Variants in SPAG16 observed in about 807,000 individuals in gnomAD.
SPAG16 encodes sperm associated antigen 16.
Under a neutral mutation model 80.4 loss-of-function variants are expected in SPAG16, and 86 were observed. That is an observed-to-expected ratio of 1.07 (90% CI 0.90 to 1.28). SPAG16 has a LOEUF of 1.28. Among genes scored for constraint, SPAG16 ranks in the 50% most tolerant of loss-of-function variants. The pLI is 0.00. For missense variants in SPAG16, 870 were observed against 765.3 expected (o/e 1.14, Z -1.61); for synonymous variants, 294 against 265.9 (o/e 1.11, Z -1.03).
At chr2:213,843,009 A>T (rs2074439800) in intron 10 of SPAG16, among the ~76,000 whole-genome samples, 1 of 152,020 alleles carries the variant, frequency 6.6e-6, no homozygotes, top group African/African-American at 2.4e-5. Flanking sequence ...TACTCAAATG[A>T]TCCTCCCACT....
intron 13 of SPAG16, among the ~76,000 whole-genome samples, chr2:214,052,956 A>C (rs2125139370): frequency 6.6e-6 from 1 of 152,320 alleles, no homozygotes; most frequent in East Asian, 1.9e-4. Flanking sequence ...GAAATGACAG[A>C]GTTTTTTCTG....
intron 15 of SPAG16, among the ~76,000 whole-genome samples, chr2:214,351,441 C>G: frequency 6.6e-6 from 1 of 151,966 alleles, no homozygotes; most frequent in Non-Finnish European, 1.5e-5. Context: ...GTGGCTCATG[C>G]CTGTAATCCC....
chr2:213,327,733 T>C (rs2063906606), intron 5 of SPAG16, among the ~76,000 whole-genome samples: 2 of 152,102 alleles, frequency 1.3e-5, no homozygotes, highest in Admixed American at 1.3e-4. Flanking sequence ...GTTACTAATA[T>C]TCACATATCC....
At chr2:214,396,853 A>G (rs988694223) in intron 15 of SPAG16, among the ~76,000 whole-genome samples, 2 of 152,078 alleles carry the variant, frequency 1.3e-5, no homozygotes, top group African/African-American at 4.8e-5. Flanking sequence ...GAACATGTGC[A>G]AAGTTGCCAC....
chr2:213,697,033 C>T (rs976084215), intron 10 of SPAG16, among the ~76,000 whole-genome samples: 2 of 152,054 alleles, frequency 1.3e-5, no homozygotes, highest in African/African-American at 2.4e-5. Flanking sequence ...GAAAGTGAGT[C>T]GCAGATGGAG....
intron 10 of SPAG16, among the ~76,000 whole-genome samples, chr2:213,627,568 A>C (rs530875793): frequency 1.3e-5 from 2 of 152,260 alleles, no homozygotes; most frequent in African/African-American, 4.8e-5. Context: ...TAGCAATTTC[A>C]ATGTGCATTA....
At chr2:213,418,020 T>A (rs1284173513) in intron 9 of SPAG16, among the ~76,000 whole-genome samples, 1 of 151,992 alleles carries the variant, frequency 6.6e-6, no homozygotes, top group Non-Finnish European at 1.5e-5. Context: ...ATTACAGGCA[T>A]GCTCCATCAC....
At chr2:213,604,539 G>A (rs141396310) in intron 10 of SPAG16, among the ~76,000 whole-genome samples, 79 of 152,090 alleles carry the variant, frequency 5.2e-4, no homozygotes, top group Middle Eastern at 3.4e-3. Context: ...ATATTGCCTA[G>A]GTTCAGTATC....
chr2:213,709,563 C>A (rs1157339860), intron 10 of SPAG16, among the ~76,000 whole-genome samples: 1 of 151,858 alleles, frequency 6.6e-6, no homozygotes, highest in Non-Finnish European at 1.5e-5. Context: ...TAACTTGACA[C>A]ATACTACAAA....
At chr2:213,987,890 AT>A (rs2046092704) in intron 12 of SPAG16, among the ~76,000 whole-genome samples, 1 of 138,138 alleles carries the variant, frequency 7.2e-6, no homozygotes, top group Admixed American at 6.9e-5. Context: ...ATATAAACAT[AT>A]TTGTATAAAT....
At chr2:213,664,262 C>G (rs2063524614) in intron 10 of SPAG16, among the ~76,000 whole-genome samples, 1 of 152,016 alleles carries the variant, frequency 6.6e-6, no homozygotes, top group Non-Finnish European at 1.5e-5. Context: ...GTCTTGAAAT[C>G]CTTTACTTAA....
chr2:214,383,482 A>G (rs948047526), intron 15 of SPAG16, among the ~76,000 whole-genome samples: 6 of 151,938 alleles, frequency 3.9e-5, no homozygotes, highest in Non-Finnish European at 7.4e-5. Context: ...GAGGCATGCC[A>G]ATCGCTGGAG....
At chr2:213,917,620 A>G (rs775168066) in intron 11 of SPAG16, among the ~76,000 whole-genome samples, 3 of 152,180 alleles carry the variant, frequency 2.0e-5, no homozygotes, top group Non-Finnish European at 4.4e-5. Flanking sequence ...TTGTACATCG[A>G]TTTTGTATCC....
chr2:213,830,272 C>T (rs151080409), intron 10 of SPAG16, among the ~76,000 whole-genome samples: 2 of 152,290 alleles, frequency 1.3e-5, no homozygotes, highest in African/African-American at 2.4e-5. Flanking sequence ...GTTGGCAGCA[C>T]TGAGTTCCAA....
chr2:214,168,423 C>G (rs898620039), intron 15 of SPAG16, among the ~76,000 whole-genome samples: 1 of 151,980 alleles, frequency 6.6e-6, no homozygotes, highest in Admixed American at 6.6e-5. Flanking sequence ...AGTCTCTGCC[C>G]TTATTGTTTA....
At position 213,799,977 on chromosome 2, in the gene SPAG16, G is replaced by GA. The variant is rs1258892382; in HGVS notation, c.1071-62502dup. Among the ~76,000 whole-genome samples, 44 of 133,870 alleles carry GA rather than the reference G, an allele frequency of 3.3e-4. 2 individuals are homozygous for GA. In the East Asian group the frequency reaches 9.4e-3, roughly 28 times the overall value. The allele number at this position is 133,870 out of a possible 152,430, so 87.8% of individuals were successfully genotyped here. On this transcript the variant is annotated intron_variant, in intron 10 of 15. Coordinates refer to ENST00000331683, the MANE Select transcript of SPAG16 (RefSeq NM_024532.5). ...ACTGGATTGAAAAAAAAAAAAAAAA[G>GA]AAAAAACTGTTTTCAGCTCTCACAC...
chr2:213,921,332 C>A (rs2078214559), intron 11 of SPAG16, among the ~76,000 whole-genome samples: 1 of 152,220 alleles, frequency 6.6e-6, no homozygotes, highest in Non-Finnish European at 1.5e-5. Flanking sequence ...AGGATTGCAA[C>A]CCCTGCATTT....
At chr2:213,640,182 T>C (rs984439480) in intron 10 of SPAG16, among the ~76,000 whole-genome samples, 2 of 152,206 alleles carry the variant, frequency 1.3e-5, no homozygotes, top group Non-Finnish European at 2.9e-5. Context: ...AAGTTTGTTT[T>C]CTCCTTTCTT....
chr2:213,589,556 C>A (rs139804947), intron 10 of SPAG16, among the ~76,000 whole-genome samples: 25 of 152,210 alleles, frequency 1.6e-4, no homozygotes, highest in African/African-American at 5.8e-4. Context: ...TTAAACATTT[C>A]CTGTGCCAGG....
Sources: gnomAD v4.1 joint callset for allele counts (sites outside exome capture counted in the v4.1 genomes callset) on GRCh38, gnomAD v4.1.1 for gene constraint, MANE v1.5 for transcripts, NCBI Gene and HGNC (gene_info 2026-07-23, HGNC 2026-07-21) for gene names.